PCLAF: variants seen among roughly 807,000 people sequenced by gnomAD.
PCLAF encodes the protein PCNA clamp associated factor, also known as PCNA-associated factor.
PCLAF carries 12 observed loss-of-function variants against 15.1 expected under a neutral mutation model. That is an observed-to-expected ratio of 0.79 (90% CI 0.51 to 1.29). PCLAF has a LOEUF of 1.29. Among genes scored for constraint, PCLAF ranks in the 50% most tolerant of loss-of-function variants. The pLI is 0.00. For synonymous variants in PCLAF, 33 were observed against 47.1 expected (o/e 0.70, Z 1.22); for missense variants, 116 against 130.9 (o/e 0.89, Z 0.56).
chr15:64,375,561 C>T (rs1318103104), intron 3 of PCLAF, among the ~76,000 whole-genome samples: 3 of 151,958 alleles, frequency 2.0e-5, no homozygotes, highest in South Asian at 4.2e-4. Flanking sequence ...TAGGCGGCGC[C>T]GCCACCCTTT....
At chr15:64,379,762 C>T (rs1489532245) in intron 2 of PCLAF, among the ~76,000 whole-genome samples, 1 of 152,112 alleles carries the variant, frequency 6.6e-6, no homozygotes, top group Non-Finnish European at 1.5e-5. Context: ...CACCAGATGG[C>T]AGGGCATTTT....
chr15:64,376,949 C>T (rs917109509), intron 2 of PCLAF, 44 bp from the exon 3 acceptor site: 1 of 1,494,626 alleles, frequency 6.7e-7, no homozygotes, highest in African/African-American at 1.4e-5. Context: ...GCTAATAATA[C>T]AATCTCTATT....
intron 3 of PCLAF, among the ~76,000 whole-genome samples, chr15:64,374,635 CG>C (rs1020750357): frequency 1.3e-5 from 2 of 151,966 alleles, no homozygotes; most frequent in African/African-American, 4.8e-5. Context: ...ACTTGAGCTC[CG>C]GAGTTTGAGA....
chr15:64,381,264 G>A (rs540984263), intron 1 of PCLAF, 62 bp downstream of exon 1: 1 of 1,588,244 alleles, frequency 6.3e-7, no homozygotes, highest in East Asian at 2.2e-5. Flanking sequence ...GGCGTCTGTC[G>A]CCCGTGGCCA....
chr15:64,375,885 C>T (rs1899587220), intron 3 of PCLAF, among the ~76,000 whole-genome samples: 1 of 152,134 alleles, frequency 6.6e-6, no homozygotes, highest in African/African-American at 2.4e-5. Context: ...GGGAACTGAT[C>T]CTCTTTGAGA....
chr15:64,381,956 T>C (rs889760708), upstream of PCLAF, among the ~76,000 whole-genome samples: 9 of 152,184 alleles, frequency 5.9e-5, no homozygotes, highest in African/African-American at 2.2e-4. Context: ...TAATACAACT[T>C]GTTTACAAGG....
Position 64,366,104 on chromosome 15 carries a change from C to T in PCLAF, c.291-29G>A, listed in dbSNP as rs376968893. ...TGAAAAGAAGAGAGAACATCAATAG[C>T]CATCCAAGTATCAACTGTTTGAAAA... is the stretch of plus-strand genomic sequence containing the variant. On this transcript the variant is annotated intron_variant, in intron 3 of 3. Transcript: ENST00000300035. 3.2e-6 allele frequency: 5 copies of T among 1,571,922 alleles called. No individual in the cohort carries two copies. The African/African-American group carries it at 6.8e-5, about 21-fold the overall frequency.
chr15:64,367,587 C>T lies in PCLAF; in HGVS notation c.291-1512G>A, dbSNP rs555992358. ...TTTTTGAGACGGAGTCTCGCTCTGT[C>T]GCCAGGCTGGAGTGCAGTGGTGCGA... On this transcript the variant is annotated intron_variant, in intron 3 of 3. Transcript: ENST00000300035. 4.9e-4 allele frequency among the ~76,000 whole-genome samples: 74 copies of T among 151,784 alleles called. 1 individual carries two copies. In the South Asian group the frequency reaches 0.014, roughly 29 times the overall value.
chr15:64,381,936 A>G (rs1237034003), upstream of PCLAF, among the ~76,000 whole-genome samples: 1 of 152,218 alleles, frequency 6.6e-6, no homozygotes, highest in Non-Finnish European at 1.5e-5. Flanking sequence ...TGGAATGGGG[A>G]AAAGGAAGCT....
At chr15:64,367,074 G>C (rs897026962) in intron 3 of PCLAF, among the ~76,000 whole-genome samples, 7 of 152,106 alleles carry the variant, frequency 4.6e-5, no homozygotes, top group African/African-American at 1.7e-4. Flanking sequence ...AGCCATGATT[G>C]ATTGTGCCAC....
At chr15:64,387,468 G>C in exon 1 of PCLAF, 3 of 1,270,692 alleles carry the variant, frequency 2.4e-6, no homozygotes, top group Non-Finnish European at 3.1e-6. Flanking sequence ...TACCTTCCAC[G>C]TGCTGTTTTA....
chr15:64,386,865 C>T (rs538194421), intron 1 of PCLAF, among the ~76,000 whole-genome samples: 23 of 152,258 alleles, frequency 1.5e-4, no homozygotes, highest in African/African-American at 5.1e-4. Flanking sequence ...AACTTTTAAC[C>T]TGCAAATGCA....
chr15:64,383,446 A>C (rs1899875606), upstream of PCLAF, among the ~76,000 whole-genome samples: 1 of 151,064 alleles, frequency 6.6e-6, no homozygotes, highest in African/African-American at 2.4e-5. Context: ...GGCTCACTGC[A>C]ATCTCCGCCT....
At chr15:64,377,491 ATATATATATATATATATAT>A (rs1566966770) in intron 2 of PCLAF, among the ~76,000 whole-genome samples, 222 of 18,394 alleles carry the variant, frequency 0.012, 55 homozygotes, top group African/African-American at 0.04. Context: ...AAAAAAAAAT[ATATATATATATATATATAT>A]ATATATATAT....
intron 3 of PCLAF, among the ~76,000 whole-genome samples, chr15:64,375,248 C>T (rs1388622072): frequency 6.6e-6 from 1 of 152,152 alleles, no homozygotes; most frequent in Non-Finnish European, 1.5e-5. Context: ...CTTCAGCCTC[C>T]CGAGTAGCTG....
chr15:64,373,133 A>C (rs1899418794), intron 3 of PCLAF: 1 of 152,266 alleles, frequency 6.6e-6, no homozygotes, highest in African/African-American at 2.4e-5. Flanking sequence ...AATAAATAGA[A>C]TCATGGAAGC....
intron 3 of PCLAF, among the ~76,000 whole-genome samples, chr15:64,370,963 GT>G (rs1484588217): frequency 4.1e-5 from 4 of 96,684 alleles, no homozygotes; most frequent in Non-Finnish European, 8.1e-5. Context: ...CTTATTTCAT[GT>G]TCTTTTTTTT....
intron 2 of PCLAF, among the ~76,000 whole-genome samples, chr15:64,380,350 T>G (rs1218866657): frequency 2.6e-5 from 4 of 151,906 alleles, no homozygotes; most frequent in Non-Finnish European, 5.9e-5. Context: ...ACCGTTGCAC[T>G]GCAGCCTGGG....
intron 3 of PCLAF, among the ~76,000 whole-genome samples, chr15:64,367,976 C>G (rs1022796116): frequency 6.6e-5 from 10 of 151,884 alleles, no homozygotes; most frequent in Admixed American, 3.9e-4. Flanking sequence ...CAAATTAGAT[C>G]CAGCAATCCT....
Sources: allele counts gnomAD v4.1 joint callset (sites outside exome capture counted in the v4.1 genomes callset), GRCh38; gene constraint gnomAD v4.1.1; transcripts MANE v1.5; gene names NCBI Gene and HGNC (gene_info 2026-07-23, HGNC 2026-07-21).